Variants in SNX31 observed in about 807,000 individuals in gnomAD.
SNX31 encodes the protein sorting nexin-31.
A neutral mutation model predicts 65.4 loss-of-function variants in SNX31; 58 were observed. The ratio of observed to expected loss-of-function variants is 0.89; its 90% confidence interval spans 0.72 to 1.10. SNX31 has a LOEUF of 1.10. Ranked by LOEUF, SNX31 falls within the 50% of genes least tolerant of loss-of-function variation. The pLI, the probability that SNX31 is intolerant of heterozygous loss-of-function variation, is 0.00. For synonymous variants in SNX31, 181 were observed against 190.1 expected (o/e 0.95, Z 0.39); for missense variants, 523 against 529.7 (o/e 0.99, Z 0.12).
At chr8:100,595,162 T>C (rs1814954613) in intron 10 of SNX31, among the ~76,000 whole-genome samples, 1 of 152,188 alleles carries the variant, frequency 6.6e-6, no homozygotes, top group Non-Finnish European at 1.5e-5. Context: ...CACGTTTCCA[T>C]ACGTTTCAAA....
chr8:100,588,779 G>T lies in SNX31; in HGVS notation c.1092+87C>A, dbSNP rs2130849637. 1.1e-6 allele frequency: 1 copy of T among 873,458 alleles called. No individual in the cohort carries two copies. The highest frequency in any genetic ancestry group is 1.9e-6 in the Non-Finnish European group (1 of 529,998). 54.1% of individuals were successfully genotyped at this position (873,458 alleles called of 1,614,324 possible). ...AACACTTTAGGGTCCTGCTCTAGTT[G>T]GGTTAGGGTCATGTGCTTCATCCAC... On this transcript the variant is annotated intron_variant, in intron 11 of 13. Transcript: ENST00000311812. The surrounding 1 kb of genome is among the most constrained non-coding windows in gnomAD (Gnocchi z 4.8).
intron 10 of SNX31, among the ~76,000 whole-genome samples, chr8:100,590,316 G>A (rs536460605): frequency 3.3e-5 from 5 of 152,334 alleles, no homozygotes; most frequent in African/African-American, 1.2e-4. Context: ...GTTTCAGCTA[G>A]GTGTGGTAGC....
chr8:100,662,789 C>T (rs79215981), intron 1 of SNX31, among the ~76,000 whole-genome samples: 4,629 of 152,332 alleles, frequency 0.03, 173 homozygotes, highest in African/African-American at 0.086. Context: ...TCAATTTCAG[C>T]TGTTGCTTGA....
rs552564787 is a variant in SNX31 at position 100,636,340 on chromosome 8, A to G, written c.142-329T>C. On this transcript the variant is annotated intron_variant, in intron 2 of 13. Transcript: ENST00000311812. ...CAATATTATCTTGATTCATTCCACA[A>G]CAGTGTCTGTGATATCAATTACAAC... 2.0e-5 allele frequency among the ~76,000 whole-genome samples: 3 copies of G among 152,328 alleles called. No homozygotes were observed. In the East Asian group the frequency reaches 5.8e-4, roughly 29 times the overall value.
At chr8:100,631,085 G>T (rs1376553276) in intron 3 of SNX31, among the ~76,000 whole-genome samples, 1 of 152,118 alleles carries the variant, frequency 6.6e-6, no homozygotes, top group Non-Finnish European at 1.5e-5. Context: ...ACAGCACCCG[G>T]CCGAGAGCAC....
At chr8:100,647,119 T>A (rs1158114247) in intron 2 of SNX31, among the ~76,000 whole-genome samples, 1 of 152,178 alleles carries the variant, frequency 6.6e-6, no homozygotes, top group Non-Finnish European at 1.5e-5. Flanking sequence ...CCAATAGCCA[T>A]CTAAGATCTA....
In SNX31 at chr8:100,609,800, C is replaced by T. The variant is rs1242509900; in HGVS notation, c.612-1237G>A. Among the ~76,000 whole-genome samples, 7 of 152,182 alleles carry T rather than the reference C, an allele frequency of 4.6e-5. No homozygotes were observed. Among genetic ancestry groups the T allele is most frequent in the Non-Finnish European group, 8.8e-5 (6 of 68,028 alleles). ...TATGCACCCACACATCCCAGAGGCC[C>T]CTGTGTGCAGAGAATAGACCCATCC... On this transcript the variant is annotated intron_variant, in intron 7 of 13. Transcript: ENST00000311812. This position sits in a 1 kb window ranked among gnomAD's most constrained non-coding sequence, Gnocchi z 4.9.
intron 4 of SNX31, among the ~76,000 whole-genome samples, chr8:100,620,955 T>G (rs1334918469): frequency 6.6e-6 from 1 of 151,684 alleles, no homozygotes; most frequent in East Asian, 1.9e-4. Context: ...CTATCTCTAC[T>G]AAAAGAAAAA....
rs1819898769 is a variant in SNX31 at position 100,649,654 on chromosome 8, C to G, written c.-140G>C. ...GAACCCCGGCGCCCGCTCTCGCCGG[C>G]CGGGGACATCTACAGGTGGGGCCGG... On this transcript the variant is annotated 5_prime_UTR_variant, in exon 1 of 14. Coordinates refer to ENST00000311812, the MANE Select transcript of SNX31 (RefSeq NM_152628.4). 1 of 748,774 alleles carries G rather than the reference C, an allele frequency of 1.3e-6. No homozygotes were observed. Among genetic ancestry groups the G allele is most frequent in the Non-Finnish European group, 2.1e-6 (1 of 477,108 alleles). The allele number at this position is 748,774 out of a possible 1,614,324, so 46.4% of individuals were successfully genotyped here. A position where few individuals can be genotyped will look rare whatever the true frequency, so the allele number is the denominator to read the frequency against.
chr8:100,636,639 T>C (rs908974514), intron 2 of SNX31, among the ~76,000 whole-genome samples: 6 of 152,214 alleles, frequency 3.9e-5, no homozygotes, highest in Non-Finnish European at 8.8e-5. Flanking sequence ...ATTATTAAAA[T>C]TAATTCCATC....
rs1818305055 is a variant in SNX31 at position 100,629,961 on chromosome 8, G to T, written c.321+366C>A. Reference sequence around the variant, plus strand: ...CCATTTGGAAATCTCAGCTACAGAAGCAGGGTCACAGACATGTTATGGGAA... The same window carrying T: ...CCATTTGGAAATCTCAGCTACAGAATCAGGGTCACAGACATGTTATGGGAA... On this transcript the variant is annotated intron_variant, in intron 4 of 13. Coordinates refer to ENST00000311812, the MANE Select transcript of SNX31 (RefSeq NM_152628.4). This position sits in a 1 kb window ranked among gnomAD's most constrained non-coding sequence, Gnocchi z 5.1. Among the ~76,000 whole-genome samples, 1 of 152,224 alleles carries T rather than the reference G, an allele frequency of 6.6e-6. No individual in the cohort carries two copies. The highest frequency in any genetic ancestry group is 1.5e-5 in the Non-Finnish European group (1 of 68,030).
intron 2 of SNX31, among the ~76,000 whole-genome samples, chr8:100,640,135 CTTTTT>C (rs369971571): frequency 2.9e-4 from 44 of 151,972 alleles, no homozygotes; most frequent in African/African-American, 1.0e-3. Context: ...CTTTTCTTTT[CTTTTT>C]TTTGGAGACA....
At chr8:100,649,369 C>G (rs373944106) in intron 1 of SNX31, 21 bp from the exon 2 acceptor site, 2 of 1,613,156 alleles carry the variant, frequency 1.2e-6, no homozygotes, top group African/African-American at 1.3e-5. Context: ...ACAGACACCC[C>G]GTCCCTGGTG....
At position 100,626,192 on chromosome 8, in the gene SNX31, T is replaced by C. The variant is rs1425939304; in HGVS notation, c.321+4135A>G. 6.6e-6 allele frequency among the ~76,000 whole-genome samples: 1 copy of C among 152,170 alleles called. No individual in the cohort carries two copies. On this transcript the variant is annotated intron_variant, in intron 4 of 13. Transcript: ENST00000311812. This position sits in a 1 kb window ranked among gnomAD's most constrained non-coding sequence, Gnocchi z 4.4. The stretch of plus-strand genomic sequence containing the variant: ...GACTACCTCATATCTATTAACATTG[T>C]GCCGGATGATATGCTTTAAGGGTAT...
intron 12 of SNX31, among the ~76,000 whole-genome samples, chr8:100,581,507 G>A (rs1028874033): frequency 6.6e-6 from 1 of 151,916 alleles, no homozygotes; most frequent in Non-Finnish European, 1.5e-5. Context: ...AGCTAATTAA[G>A]TTAACAATAC....
At chr8:100,650,411 G>T (rs779722174), upstream of SNX31, among the ~76,000 whole-genome samples, 2 of 152,150 alleles carry the variant, frequency 1.3e-5, no homozygotes, top group Non-Finnish European at 2.9e-5. Flanking sequence ...GGACAAAACA[G>T]GCCCAGGGGG....
At chr8:100,624,923 T>G (rs1817946167) in intron 4 of SNX31, among the ~76,000 whole-genome samples, 2 of 152,004 alleles carry the variant, frequency 1.3e-5, no homozygotes, top group Admixed American at 1.3e-4. Flanking sequence ...TGCCTCAGCC[T>G]CCAGAGTAGC....
intron 9 of SNX31, among the ~76,000 whole-genome samples, chr8:100,600,087 A>G (rs1815479040): frequency 6.6e-6 from 1 of 152,240 alleles, no homozygotes; most frequent in Non-Finnish European, 1.5e-5. Context: ...CTCTGTAGTC[A>G]CTAAAAATAA....
At chr8:100,598,488 G>A (rs1328951998) in intron 9 of SNX31, among the ~76,000 whole-genome samples, 2 of 149,894 alleles carry the variant, frequency 1.3e-5, no homozygotes, top group East Asian at 1.9e-4. Flanking sequence ...AGAAAGGAAA[G>A]TGTTTGTTTA....
Sources: gnomAD v4.1 joint callset for allele counts (sites outside exome capture counted in the v4.1 genomes callset) on GRCh38, gnomAD v4.1.1 for gene constraint, Gnocchi (gnomAD v3.1) non-coding constraint, MANE v1.5 for transcripts, NCBI Gene and HGNC (gene_info 2026-07-23, HGNC 2026-07-21) for gene names.